TLN2: variants seen among roughly 807,000 people sequenced by gnomAD.
TLN2 encodes talin-2.
TLN2 carries 118 observed loss-of-function variants against 294.7 expected under a neutral mutation model. The observed-to-expected ratio is 0.40, with a 90% confidence interval of 0.34 to 0.47. The LOEUF (loss-of-function observed/expected upper bound fraction) is 0.47. Ranked by LOEUF, TLN2 falls within the 20% of genes least tolerant of loss-of-function variation. The probability of loss-of-function intolerance (pLI) is 0.84; values close to 1 mark genes in which losing one functional copy is unlikely to be tolerated. For missense variants in TLN2, 3,083 were observed against 3,282.2 expected (o/e 0.94, Z 1.48); for synonymous variants, 1,431 against 1,304.5 (o/e 1.10, Z -2.09).
At chr15:62,570,366 G>T (rs1445823384) in intron 1 of TLN2, among the ~76,000 whole-genome samples, 1 of 152,204 alleles carries the variant, frequency 6.6e-6, no homozygotes, top group Non-Finnish European at 1.5e-5. Flanking sequence ...TGTCTTGGCA[G>T]TTGTAGTCAT....
chr15:62,391,976 A>G (rs1850573), intron 1 of TLN2, among the ~76,000 whole-genome samples: 50,243 of 152,254 alleles, frequency 0.33, 8,867 homozygotes, highest in East Asian at 0.62. Context: ...CGAGGGGCGC[A>G]GTAGCTCACT....
At chr15:62,555,485 T>TC (rs1394139483) in intron 1 of TLN2, among the ~76,000 whole-genome samples, 1 of 152,238 alleles carries the variant, frequency 6.6e-6, no homozygotes, top group Non-Finnish European at 1.5e-5. Flanking sequence ...ATAATGTCAC[T>TC]TTCTTGCTGT....
intron 45 of TLN2, among the ~76,000 whole-genome samples, chr15:62,790,245 C>T (rs1323517712): frequency 6.6e-6 from 1 of 152,148 alleles, no homozygotes; most frequent in Non-Finnish European, 1.5e-5. Flanking sequence ...GTCAAAGATA[C>T]ACATTTTAAC....
chr15:62,640,356 T>A (rs1409723033), intron 3 of TLN2: 2 of 456,482 alleles, frequency 4.4e-6, no homozygotes, highest in Admixed American at 4.7e-5. Flanking sequence ...CGGTGGAGAG[T>A]GAGTGGCTAG....
At chr15:62,801,055 A>G (rs1596044825) in intron 50 of TLN2, among the ~76,000 whole-genome samples, 5 of 152,228 alleles carry the variant, frequency 3.3e-5, no homozygotes, top group African/African-American at 1.2e-4. Flanking sequence ...AGCATTGTCA[A>G]AGATTCCTGG....
At chr15:62,793,892 A>T (rs2065260453) in intron 46 of TLN2, among the ~76,000 whole-genome samples, 1 of 141,194 alleles carries the variant, frequency 7.1e-6, no homozygotes, top group African/African-American at 2.4e-5. Context: ...GCTGCCACAG[A>T]GGCTGCTCTG....
chr15:62,690,685 G>A (rs1348306585), intron 12 of TLN2, among the ~76,000 whole-genome samples: 8 of 148,932 alleles, frequency 5.4e-5, no homozygotes, highest in South Asian at 2.1e-4. Flanking sequence ...ATGTTGTAGC[G>A]AGCCGAGATC....
chr15:62,781,927 A>G (rs1474270115), intron 44 of TLN2, among the ~76,000 whole-genome samples: 1 of 152,238 alleles, frequency 6.6e-6, no homozygotes, highest in Non-Finnish European at 1.5e-5. Context: ...ATGCTATCTG[A>G]TATGTTAAGC....
chr15:62,502,340 ACTT>A (rs567520788), intron 1 of TLN2, among the ~76,000 whole-genome samples: 130 of 152,372 alleles, frequency 8.5e-4, no homozygotes, highest in African/African-American at 2.7e-3. Context: ...TGAACTGCTG[ACTT>A]CTTCTTGTGA....
chr15:62,775,675 T>C (rs2063672903), intron 42 of TLN2, among the ~76,000 whole-genome samples: 1 of 152,230 alleles, frequency 6.6e-6, no homozygotes, highest in African/African-American at 2.4e-5. Flanking sequence ...GTTTACTGCT[T>C]TCCACTGGCT....
chr15:62,463,623 C>T (rs953427568), intron 1 of TLN2, among the ~76,000 whole-genome samples: 5 of 152,192 alleles, frequency 3.3e-5, no homozygotes, highest in Admixed American at 2.0e-4. Context: ...CGGTGCCTCA[C>T]GCCTGTAATC....
At chr15:62,575,139 C>A (rs1469326895) in intron 1 of TLN2, among the ~76,000 whole-genome samples, 39 of 152,054 alleles carry the variant, frequency 2.6e-4, no homozygotes, top group Admixed American at 2.6e-3. Flanking sequence ...ATGATGAAAC[C>A]TCATCTCCAC....
chr15:62,705,530 A>G (rs1177450526), intron 19 of TLN2, among the ~76,000 whole-genome samples: 1 of 152,196 alleles, frequency 6.6e-6, no homozygotes, highest in Non-Finnish European at 1.5e-5. Flanking sequence ...GAGGAACAGG[A>G]TTTCTTTAAA....
chr15:62,443,619 A>G (rs1488299554), intron 1 of TLN2, among the ~76,000 whole-genome samples: 1 of 152,170 alleles, frequency 6.6e-6, no homozygotes, highest in African/African-American at 2.4e-5. Context: ...AGATTAGATG[A>G]GAGTAGGGTA....
intron 44 of TLN2, among the ~76,000 whole-genome samples, chr15:62,783,388 G>A (rs1212464035): frequency 6.6e-6 from 1 of 152,190 alleles, no homozygotes; most frequent in African/African-American, 2.4e-5. Context: ...GGGGTTTCTA[G>A]GGGGAATTCC....
At chr15:62,448,823 A>C (rs2035957182) in intron 1 of TLN2, among the ~76,000 whole-genome samples, 1 of 152,222 alleles carries the variant, frequency 6.6e-6, no homozygotes, top group Non-Finnish European at 1.5e-5. Flanking sequence ...CTAGTTTAAA[A>C]TGTTAAAAGT....
chr15:62,611,957 G>C (rs964345017), intron 2 of TLN2, among the ~76,000 whole-genome samples: 2 of 152,140 alleles, frequency 1.3e-5, no homozygotes, highest in Admixed American at 6.5e-5. Flanking sequence ...AGATGTCAGT[G>C]GTGTATAATT....
At chr15:62,630,610 T>A (rs2049706900) in intron 3 of TLN2, among the ~76,000 whole-genome samples, 1 of 152,152 alleles carries the variant, frequency 6.6e-6, no homozygotes. Context: ...CTGTTACTGC[T>A]CTCTGGAGGT....
rs2070864060 is a variant in TLN2, at chr15:62,843,074, C to T, written c.*2464C>T. ...AAGGAAAATAACACAGGCATGAGTTCATTTGGGAGTGTGAACTTTCAGAAC... is the reference window on the plus strand; with the variant it reads ...AAGGAAAATAACACAGGCATGAGTTTATTTGGGAGTGTGAACTTTCAGAAC... On this transcript the variant is annotated 3_prime_UTR_variant, in exon 59 of 59. Coordinates refer to ENST00000636159, the MANE Select transcript of TLN2 (RefSeq NM_015059.3). 1 of 152,134 alleles carries T rather than the reference C, an allele frequency of 6.6e-6. No individual in the cohort carries two copies. Among genetic ancestry groups the T allele is most frequent in the African/African-American group, 2.4e-5 (1 of 41,430 alleles). 9.4% of individuals were successfully genotyped at this position (152,134 alleles called of 1,614,324 possible).
Sources: allele counts gnomAD v4.1 joint callset (sites outside exome capture counted in the v4.1 genomes callset), GRCh38; gene constraint gnomAD v4.1.1; transcripts MANE v1.5; gene names NCBI Gene and HGNC (gene_info 2026-07-23, HGNC 2026-07-21).